MAD1L1: variants seen among roughly 807,000 people sequenced by gnomAD.
MAD1L1 encodes mitotic spindle assembly checkpoint protein MAD1.
Under a neutral mutation model 96.9 loss-of-function variants are expected in MAD1L1, and 95 were observed. The observed-to-expected ratio is 0.98, with a 90% CI of 0.83 to 1.16. MAD1L1 has a LOEUF of 1.16. Ranked by LOEUF, MAD1L1 falls within the 50% of genes most tolerant of loss-of-function variation. MAD1L1 has a pLI of 0.00. For synonymous variants in MAD1L1, 473 were observed against 396.6 expected (o/e 1.19, Z -2.29); for missense variants, 1,007 against 954.4 (o/e 1.06, Z -0.73).
chr7:2,007,211 C>T (rs1376117522), intron 13 of MAD1L1, among the ~76,000 whole-genome samples: 1 of 152,198 alleles, frequency 6.6e-6, no homozygotes, highest in Non-Finnish European at 1.5e-5. Context: ...TCACTGGAGA[C>T]ACACAGATTG....
At chr7:1,964,367 T>C (rs928467726) in intron 15 of MAD1L1, among the ~76,000 whole-genome samples, 2 of 152,320 alleles carry the variant, frequency 1.3e-5, no homozygotes, top group African/African-American at 4.8e-5. Context: ...GCTGCAGCCA[T>C]GTTAACAGAA....
At chr7:2,208,825 G>C (rs1792732957) in intron 10 of MAD1L1, among the ~76,000 whole-genome samples, 1 of 152,212 alleles carries the variant, frequency 6.6e-6, no homozygotes, top group East Asian at 1.9e-4. Flanking sequence ...CAAAGGGTGT[G>C]TGCTGGCCTC....
At chr7:2,117,540 C>G (rs2128559490) in intron 11 of MAD1L1, among the ~76,000 whole-genome samples, 1 of 152,348 alleles carries the variant, frequency 6.6e-6, no homozygotes, top group Admixed American at 6.5e-5. Context: ...TACCCCCATA[C>G]TGCTGCTCAC....
intron 12 of MAD1L1, among the ~76,000 whole-genome samples, chr7:2,054,830 G>A (rs1474968292): frequency 6.6e-6 from 1 of 152,240 alleles, no homozygotes; most frequent in Non-Finnish European, 1.5e-5. Flanking sequence ...GTCTGAAGCT[G>A]AACTTGAGCT....
chr7:1,980,784 T>C (rs773603156), intron 14 of MAD1L1: 1 of 619,272 alleles, frequency 1.6e-6, no homozygotes, highest in South Asian at 1.5e-5. Context: ...ATGCACAGGC[T>C]CACGGTGAGG....
At chr7:1,986,566 A>AAGGGAG (rs1254366137) in intron 14 of MAD1L1, among the ~76,000 whole-genome samples, 2 of 100,754 alleles carry the variant, frequency 2.0e-5, no homozygotes, top group Non-Finnish European at 4.9e-5. Context: ...CGGCTCCCTC[A>AAGGGAG]TGGAGCTGCC....
chr7:2,208,448 G>A (rs1452245688), intron 10 of MAD1L1, among the ~76,000 whole-genome samples: 1 of 151,186 alleles, frequency 6.6e-6, no homozygotes, highest in South Asian at 2.1e-4. Context: ...TGCAACCAGG[G>A]GTGCAGGGAA....
At chr7:1,916,048 C>T (rs957081387) in intron 17 of MAD1L1, among the ~76,000 whole-genome samples, 3 of 152,204 alleles carry the variant, frequency 2.0e-5, no homozygotes, top group Non-Finnish European at 4.4e-5. Flanking sequence ...TAACAAGCCA[C>T]GTCGGTGCCC....
chr7:1,893,940 T>TAC (rs1786710594), intron 18 of MAD1L1, among the ~76,000 whole-genome samples: 1 of 152,372 alleles, frequency 6.6e-6, no homozygotes, highest in Admixed American at 6.5e-5. Context: ...GCCCTGGCCC[T>TAC]ACAGGTTGGC....
intron 11 of MAD1L1, among the ~76,000 whole-genome samples, chr7:2,108,018 A>G (rs73038481): frequency 0.027 from 4,114 of 151,472 alleles, 98 homozygotes; most frequent in South Asian, 0.09. Context: ...TGGGGACATG[A>G]AACCCATCCA....
At position 2,173,131 on chromosome 7, in the gene MAD1L1, C is replaced by T. The variant is rs532004897; in HGVS notation, c.987-23893G>A. On this transcript the variant is annotated intron_variant, in intron 10 of 18. Transcript: ENST00000265854. Reference sequence around the variant, plus strand: ...CACTCTGCATCTCCTGGCCCAGTTCCCAGCCTCAGAAGCAAACACTCTAAG... The same window carrying T: ...CACTCTGCATCTCCTGGCCCAGTTCTCAGCCTCAGAAGCAAACACTCTAAG... Among the ~76,000 whole-genome samples the T allele has an allele frequency of 2.0e-5, 3 of 152,368 alleles. No individual in the cohort carries two copies. The South Asian group carries it at 6.2e-4, about 32-fold the overall frequency.
At chr7:2,042,896 TCCAC>T (rs1407047126) in intron 12 of MAD1L1, among the ~76,000 whole-genome samples, 253 of 146,110 alleles carry the variant, frequency 1.7e-3, no homozygotes, top group African/African-American at 6.4e-3. Flanking sequence ...CACGTCCACG[TCCAC>T]GTCCACATCC....
At chr7:2,056,823 G>A (rs888504554) in intron 12 of MAD1L1, among the ~76,000 whole-genome samples, 32 of 152,296 alleles carry the variant, frequency 2.1e-4, no homozygotes, top group Admixed American at 1.1e-3. Flanking sequence ...CTGTGCTAAC[G>A]CCAAAGCCCC....
intron 12 of MAD1L1, among the ~76,000 whole-genome samples, chr7:2,030,657 C>G (rs984158024): frequency 6.6e-6 from 1 of 152,236 alleles, no homozygotes; most frequent in Admixed American, 6.5e-5. Context: ...GACGCCGCCC[C>G]GGCAGAGGAA....
At chr7:1,944,069 C>G (rs1039614197) in intron 16 of MAD1L1, among the ~76,000 whole-genome samples, 2 of 151,958 alleles carry the variant, frequency 1.3e-5, no homozygotes, top group African/African-American at 2.4e-5. Flanking sequence ...GACTCCCTTC[C>G]CAGGAAATGC....
At chr7:2,020,821 C>T (rs1782755910) in intron 12 of MAD1L1, among the ~76,000 whole-genome samples, 2 of 150,050 alleles carry the variant, frequency 1.3e-5, no homozygotes, top group South Asian at 2.1e-4. Flanking sequence ...TGCAGTGGCA[C>T]AATCTCAAGA....
chr7:2,060,358 G>A (rs1784599834), intron 12 of MAD1L1, among the ~76,000 whole-genome samples: 1 of 151,698 alleles, frequency 6.6e-6, no homozygotes, highest in African/African-American at 2.4e-5. Context: ...GAGATATGCT[G>A]ATGCCAAGAT....
intron 17 of MAD1L1, among the ~76,000 whole-genome samples, chr7:1,903,008 A>G: frequency 6.6e-6 from 1 of 151,184 alleles, no homozygotes; most frequent in Admixed American, 6.6e-5. Context: ...GGAACTCATG[A>G]TTGATGAAGC....
intron 13 of MAD1L1, among the ~76,000 whole-genome samples, chr7:2,006,297 A>G (rs949285019): frequency 6.6e-6 from 1 of 152,136 alleles, no homozygotes; most frequent in Non-Finnish European, 1.5e-5. Flanking sequence ...AATGTTTTAC[A>G]TGGGAGCGGG....
Sources: allele counts gnomAD v4.1 joint callset (sites outside exome capture counted in the v4.1 genomes callset), GRCh38; gene constraint gnomAD v4.1.1; transcripts MANE v1.5; gene names NCBI Gene and HGNC (gene_info 2026-07-23, HGNC 2026-07-21).